The following IBTK variants were observed in gnomAD, a reference collection of about 807,000 sequenced individuals.
IBTK encodes inhibitor of Bruton tyrosine kinase.
IBTK carries 83 observed loss-of-function variants against 154.9 expected under a neutral mutation model. The observed-to-expected ratio is 0.54, with a 90% CI of 0.45 to 0.64. The LOEUF is 0.64. Ranked by LOEUF, IBTK falls within the 30% of genes least tolerant of loss-of-function variation. The probability of loss-of-function intolerance (pLI) is 0.00; values close to 1 mark genes in which losing one functional copy is unlikely to be tolerated. For missense variants in IBTK, 1,332 were observed against 1,584.6 expected, an observed-to-expected ratio of 0.84 and a Z score of 2.71; for synonymous variants, 515 against 536.1, an observed-to-expected ratio of 0.96 and a Z score of 0.54.
At position 82,212,688 on chromosome 6, in the gene IBTK, T is replaced by A; in HGVS notation, c.2291+19A>T. 1 of 1,478,420 alleles carries A rather than the reference T, an allele frequency of 6.8e-7. No homozygotes were observed. Among genetic ancestry groups the A allele is most frequent in the Non-Finnish European group, 9.5e-7 (1 of 1,056,808 alleles). 91.6% of individuals were successfully genotyped at this position (1,478,420 alleles called of 1,614,324 possible). On this transcript the variant is annotated intron_variant, in intron 13 of 28. Coordinates refer to ENST00000306270, the MANE Select transcript of IBTK (RefSeq NM_015525.4). ...CCAAAATCCAGACATGAAATGTTAATCTTCCTTTCCTTACTTACCATTTTT... is the reference window on the plus strand; with the variant it reads ...CCAAAATCCAGACATGAAATGTTAAACTTCCTTTCCTTACTTACCATTTTT...
chr6:82,202,559 C>T lies in IBTK; in HGVS notation c.2698G>A (p.Gly900Arg), dbSNP rs780919896. The T allele has an allele frequency of 9.3e-6, 15 of 1,609,060 alleles. No homozygotes were observed. The Admixed American group carries it at 1.0e-4, about 11-fold the overall frequency. Residue 900 changes from glycine (G) to arginine (R), a missense_variant, in exon 18 of 29, where the codon GGA becomes AGA. By Grantham distance (125) the Gly-to-Arg change is moderately radical (BLOSUM62 -2). Transcript: ENST00000306270. The part of the protein sequence containing the change: ...QLKLSCLQFI[G>R]LNMAALLEAR... ...TCAAGTAAAGCTGCCATATTCAATC[C>T]TATAAACTGTAAACAAGACAGTTTC...
rs1316411597 is a variant in IBTK at position 82,194,474 on chromosome 6, C to T, written c.3338+5G>A. 6.5e-7 allele frequency: 1 copy of T among 1,545,912 alleles called. No homozygotes were observed. The highest frequency in any genetic ancestry group is 8.7e-7 in the Non-Finnish European group (1 of 1,148,948). On this transcript the variant is annotated splice_donor_5th_base_variant and intron_variant, in intron 23 of 28. Coordinates refer to ENST00000306270, the MANE Select transcript of IBTK (RefSeq NM_015525.4). ...AACAGTTATAGAATAAAATAAAAAT[C>T]CTACCTGAAAGAACCAGCAACCCAA...
intron 13 of IBTK, among the ~76,000 whole-genome samples, chr6:82,212,007 T>C (rs1435203546): frequency 6.6e-6 from 1 of 152,162 alleles, no homozygotes; most frequent in Non-Finnish European, 1.5e-5. Context: ...AACTTTTTTT[T>C]TCTTTGAAAC....
intron 2 of IBTK, among the ~76,000 whole-genome samples, chr6:82,239,479 T>C (rs1770858275): frequency 6.6e-6 from 1 of 152,040 alleles, no homozygotes; most frequent in African/African-American, 2.4e-5. Flanking sequence ...GTTAATAATA[T>C]AGTTATTTAA....
At chr6:82,187,917 AC>A (rs1768613237) in intron 25 of IBTK, among the ~76,000 whole-genome samples, 1 of 152,118 alleles carries the variant, frequency 6.6e-6, no homozygotes, top group African/African-American at 2.4e-5. Context: ...AAATGTGAAA[AC>A]CTATTACAAA....
intron 21 of IBTK, among the ~76,000 whole-genome samples, chr6:82,197,112 T>C (rs371888684): frequency 6.6e-6 from 1 of 152,198 alleles, no homozygotes; most frequent in Non-Finnish European, 1.5e-5. Context: ...TTCAAACTTT[T>C]GCTTAGATTC....
intron 25 of IBTK, among the ~76,000 whole-genome samples, chr6:82,185,135 A>G (rs1768491642): frequency 7.0e-6 from 1 of 142,980 alleles, no homozygotes; most frequent in South Asian, 2.4e-4. Context: ...ATGAGCCAAG[A>G]TTGCGCCACG....
chr6:82,174,656 G>A (rs1768044532), intron 26 of IBTK, among the ~76,000 whole-genome samples: 1 of 152,074 alleles, frequency 6.6e-6, no homozygotes, highest in South Asian at 2.1e-4. Flanking sequence ...AAAATGTTTA[G>A]CCCTAATGTG....
Position 82,214,810 on chromosome 6 carries a change from C to T in IBTK, c.1621G>A (p.Val541Met), listed in dbSNP as rs774279524. ...TCTTCAAAAAAGGATGATGAGGACACAGCTGGAATTTCATAAAGGCTAGAA... is the reference window on the plus strand; with the variant it reads ...TCTTCAAAAAAGGATGATGAGGACATAGCTGGAATTTCATAAAGGCTAGAA... ...PKTSLYEIPAVSSSSFFEEFG... is the reference protein window; with the variant it reads ...PKTSLYEIPAMSSSSFFEEFG... Residue 541 changes from valine to methionine, a missense_variant, in exon 12 of 29, where the codon GTG (valine) becomes ATG (methionine). This residue lies in a region of IBTK where 1,134 missense variants were observed against 1,274.7 expected (regional missense o/e 0.89). Coordinates refer to ENST00000306270, the MANE Select transcript of IBTK (RefSeq NM_015525.4). The T allele has an allele frequency of 4.4e-6, 7 of 1,582,466 alleles. No individual in the cohort carries two copies. Among genetic ancestry groups the T allele is most frequent in the South Asian group, 2.3e-5 (2 of 86,536 alleles).
At position 82,170,500 on chromosome 6, in the gene IBTK, T is replaced by A. The variant is rs1045648514; in HGVS notation, c.*925A>T. ...CAGAAACAAACCAAACAACATCCTA[T>A]ACAGAAAACAATTTTTATGTCTAGA... On this transcript the variant is annotated 3_prime_UTR_variant, in exon 29 of 29. Coordinates refer to ENST00000306270, the MANE Select transcript of IBTK (RefSeq NM_015525.4). 6.6e-6 allele frequency: 1 copy of A among 152,152 alleles called. No individual in the cohort carries two copies. Among genetic ancestry groups the A allele is most frequent in the African/African-American group, 2.4e-5 (1 of 41,436 alleles). The allele number at this position is 152,152 out of a possible 1,614,324, so 9.4% of individuals were successfully genotyped here.
chr6:82,183,346 G>A (rs1768386056), intron 25 of IBTK, among the ~76,000 whole-genome samples: 1 of 152,064 alleles, frequency 6.6e-6, no homozygotes, highest in South Asian at 2.1e-4. Flanking sequence ...TGAGTCAGAG[G>A]TTGCAGTGAG....
chr6:82,186,535 C>T (rs1768562846), intron 25 of IBTK, among the ~76,000 whole-genome samples: 1 of 152,050 alleles, frequency 6.6e-6, no homozygotes, highest in African/African-American at 2.4e-5. Context: ...CTTTTACAGG[C>T]ACCAGGAAAC....
At chr6:82,239,247 C>A (rs1770850188) in intron 2 of IBTK, among the ~76,000 whole-genome samples, 1 of 151,706 alleles carries the variant, frequency 6.6e-6, no homozygotes, top group Non-Finnish European at 1.5e-5. Context: ...CGAGACCATC[C>A]TGGCTAACAC....
intron 6 of IBTK, 66 bp downstream of exon 6, chr6:82,225,411 A>AT (rs1486889955): frequency 4.6e-6 from 6 of 1,300,952 alleles, no homozygotes; most frequent in African/African-American, 3.0e-5. Context: ...AATAACTTAC[A>AT]TTTTTTTGTT....
At chr6:82,243,536 T>C (rs76935622) in intron 1 of IBTK, among the ~76,000 whole-genome samples, 9,513 of 152,294 alleles carry the variant, frequency 0.062, 483 homozygotes, top group East Asian at 0.21. Flanking sequence ...TTGTCCAGCA[T>C]TGCCATACTG....
chr6:82,203,635 G>A (rs980186226), intron 17 of IBTK, among the ~76,000 whole-genome samples: 2 of 152,064 alleles, frequency 1.3e-5, no homozygotes, highest in Non-Finnish European at 2.9e-5. Context: ...GAGACCAAAG[G>A]AGGTGGTAGC....
At chr6:82,179,264 G>A (rs1460584483) in intron 26 of IBTK, among the ~76,000 whole-genome samples, 5 of 152,186 alleles carry the variant, frequency 3.3e-5, no homozygotes, top group Admixed American at 3.3e-4. Flanking sequence ...TATTTACTGA[G>A]GAAGAAGATT....
intron 3 of IBTK, among the ~76,000 whole-genome samples, chr6:82,232,160 G>A (rs1331573810): frequency 1.3e-5 from 2 of 151,768 alleles, no homozygotes; most frequent in African/African-American, 2.4e-5. Flanking sequence ...CCCCCAAAGT[G>A]CTAGGATTAC....
At chr6:82,223,700 T>A in intron 7 of IBTK, 80 bp from the exon 8 acceptor site, 1 of 1,244,222 alleles carries the variant, frequency 8.0e-7, no homozygotes, top group Non-Finnish European at 1.1e-6. Flanking sequence ...GTCTCATGCC[T>A]ATAATCCCAG....
Sources: allele counts gnomAD v4.1 joint callset (sites outside exome capture counted in the v4.1 genomes callset), GRCh38; gene constraint gnomAD v4.1.1; regional missense constraint gnomAD v4.1.1; transcripts MANE v1.5; gene names NCBI Gene and HGNC (gene_info 2026-07-23, HGNC 2026-07-21).